CCL22: variants seen among roughly 807,000 people sequenced by gnomAD.
The protein encoded by CCL22 is C-C motif chemokine 22.
A neutral mutation model predicts 7.6 loss-of-function variants in CCL22; 7 were observed. The ratio of observed to expected loss-of-function variants is 0.92; its 90% CI spans 0.52 to 1.72. CCL22 has a LOEUF of 1.72. Ranked by LOEUF, CCL22 falls within the 40% of genes most tolerant of loss-of-function variation. The pLI, the probability that CCL22 is intolerant of heterozygous loss-of-function variation, is 0.00. For missense variants in CCL22, 115 were observed against 124.7 expected (o/e 0.92, Z 0.37); for synonymous variants, 55 against 47.2 (o/e 1.17, Z -0.68).
At chr16:57,358,914 C>T in intron 1 of CCL22, 25 bp downstream of exon 1, 1 of 1,586,766 alleles carries the variant, frequency 6.3e-7, no homozygotes, top group Non-Finnish European at 8.6e-7. Context: ...CAGGAAGACC[C>T]CCTACAGAGG....
At chr16:57,359,557 C>G (rs1902026084) in intron 1 of CCL22, among the ~76,000 whole-genome samples, 1 of 147,308 alleles carries the variant, frequency 6.8e-6, no homozygotes, top group East Asian at 2.0e-4. Flanking sequence ...CTCAGATGAT[C>G]CTCCCACCTC....
intron 1 of CCL22, among the ~76,000 whole-genome samples, chr16:57,360,084 C>T (rs1216815561): frequency 6.6e-6 from 1 of 152,186 alleles, no homozygotes; most frequent in African/African-American, 2.4e-5. Flanking sequence ...AGCTGCTGGG[C>T]TTTCTGAGTG....
chr16:57,363,170 G>A (rs574110513), intron 2 of CCL22, among the ~76,000 whole-genome samples: 10 of 151,982 alleles, frequency 6.6e-5, no homozygotes, highest in South Asian at 2.1e-4. Context: ...TGACTTGTAC[G>A]TTTTTGTAGA....
At chr16:57,359,030 G>C in intron 1 of CCL22, 141 bp downstream of exon 1, 1 of 695,592 alleles carries the variant, frequency 1.4e-6, no homozygotes, top group South Asian at 1.5e-5. Flanking sequence ...GCTAGTTGCA[G>C]TGCTTCTCTG....
intron 1 of CCL22, 47 bp downstream of exon 1, chr16:57,358,936 G>A (rs769436262): frequency 9.2e-6 from 13 of 1,406,256 alleles, no homozygotes; most frequent in Middle Eastern, 2.4e-4. Context: ...CAGGGCAGAC[G>A]GTGGGGTGTC....
intron 1 of CCL22, among the ~76,000 whole-genome samples, chr16:57,359,974 C>G (rs1367571860): frequency 6.6e-6 from 1 of 152,120 alleles, no homozygotes; most frequent in African/African-American, 2.4e-5. Context: ...AGCATGGATT[C>G]CTGACTCCTC....
At chr16:57,360,067 T>C (rs1274401791) in intron 1 of CCL22, among the ~76,000 whole-genome samples, 1 of 152,176 alleles carries the variant, frequency 6.6e-6, no homozygotes, top group Non-Finnish European at 1.5e-5. Context: ...AAACAAGAAT[T>C]GCTCCCAGCT....
In CCL22 at chr16:57,360,537, C is replaced by T. The variant is rs760011103; in HGVS notation, c.174C>T (p.Asp58=). ...RVVKHFYWTS[D]SCPRPGVVLL... is the part of the protein sequence containing the mutation. The stretch of plus-strand genomic sequence containing the variant: ...TGAAACACTTCTACTGGACCTCAGA[C>T]TCCTGCCCGAGGCCTGGCGTGGTGT... The change falls in exon 2 of 3, where the codon GAC becomes GAT. Residue 58 remains aspartate, a synonymous_variant. Transcript: ENST00000219235. The T allele has an allele frequency of 6.2e-7, 1 of 1,614,196 alleles. No homozygotes were observed. Among genetic ancestry groups the T allele is most frequent in the Non-Finnish European group, 8.5e-7 (1 of 1,180,028 alleles).
At chr16:57,359,930 G>A (rs774208415) in intron 1 of CCL22, among the ~76,000 whole-genome samples, 3 of 152,176 alleles carry the variant, frequency 2.0e-5, no homozygotes, top group East Asian at 3.9e-4. Flanking sequence ...ACTGCTCTGG[G>A]CTCACTATCC....
chr16:57,358,762 C>T, upstream of CCL22: 1 of 1,330,922 alleles, frequency 7.5e-7, no homozygotes, highest in Non-Finnish European at 1.1e-6. Flanking sequence ...CCTTAAATAG[C>T]AGGTCTTCCT....
At position 57,358,814 on chromosome 16, in the gene CCL22, A is replaced by G. The variant is rs181471331; in HGVS notation, c.-3A>G. On this transcript the variant is annotated 5_prime_UTR_variant, in exon 1 of 3. Coordinates refer to ENST00000219235, the MANE Select transcript of CCL22 (RefSeq NM_002990.5). ...ACCTGGGCTGAGACATACAGGACAGAGCATGGATCGCCTACAGACTGCACT... is the reference window on the plus strand; with the variant it reads ...ACCTGGGCTGAGACATACAGGACAGGGCATGGATCGCCTACAGACTGCACT... 1.3e-5 allele frequency: 21 copies of G among 1,611,936 alleles called. No homozygotes were observed. In the East Asian group the frequency reaches 4.7e-4, roughly 36 times the overall value.
chr16:57,363,842 A>T lies in CCL22; in HGVS notation c.*254A>T. On this transcript the variant is annotated 3_prime_UTR_variant, in exon 3 of 3. Coordinates refer to ENST00000219235, the MANE Select transcript of CCL22 (RefSeq NM_002990.5). ...TTCCCATCAGCGATTCCCCTGCTTA[A>T]ACCCTTCCATGACTCCCCACTGCCC... is the stretch of plus-strand genomic sequence containing the variant. The T allele has an allele frequency of 2.2e-6, 1 of 450,304 alleles. No individual in the cohort carries two copies. The highest frequency in any genetic ancestry group is 4.1e-6 in the Non-Finnish European group (1 of 245,458). 27.9% of individuals were successfully genotyped at this position (450,304 alleles called of 1,614,324 possible).
At chr16:57,358,999 T>C in intron 1 of CCL22, 110 bp downstream of exon 1, 4 of 858,036 alleles carry the variant, frequency 4.7e-6, no homozygotes, top group Admixed American at 1.8e-5. Context: ...CTCAGTCTGC[T>C]GTTGGCTCTT....
At chr16:57,361,582 G>A (rs914000612) in intron 2 of CCL22, among the ~76,000 whole-genome samples, 1 of 152,194 alleles carries the variant, frequency 6.6e-6, no homozygotes, top group Non-Finnish European at 1.5e-5. Context: ...TTTCTCCTGA[G>A]TTTCTTGTTC....
chr16:57,362,217 C>T (rs1478065681), intron 2 of CCL22, among the ~76,000 whole-genome samples: 4 of 152,120 alleles, frequency 2.6e-5, no homozygotes, highest in Non-Finnish European at 4.4e-5. Context: ...AATTGCTGGG[C>T]ATGTAGTGCT....
intron 2 of CCL22, among the ~76,000 whole-genome samples, chr16:57,360,950 C>T (rs223819): frequency 0.77 from 116,892 of 151,874 alleles, 48,354 homozygotes; most frequent in Non-Finnish European, 0.93. Flanking sequence ...CAAAGATGCT[C>T]CCAGGTTCTG....
At chr16:57,361,244 GGGAGA>G (rs1165760612) in intron 2 of CCL22, among the ~76,000 whole-genome samples, 3 of 125,190 alleles carry the variant, frequency 2.4e-5, no homozygotes, top group Non-Finnish European at 3.4e-5. Flanking sequence ...GGGCAACAGA[GGGAGA>G]CTCTGTCTCA....
At chr16:57,362,551 G>A (rs1457643705) in intron 2 of CCL22, among the ~76,000 whole-genome samples, 2 of 152,050 alleles carry the variant, frequency 1.3e-5, no homozygotes, top group Admixed American at 1.3e-4. Context: ...GAGTAGTTAA[G>A]TGATATTATA....
chr16:57,364,281 A>C lies in CCL22; in HGVS notation c.*693A>C, dbSNP rs1476549478. On this transcript the variant is annotated 3_prime_UTR_variant, in exon 3 of 3. Coordinates refer to ENST00000219235, the MANE Select transcript of CCL22 (RefSeq NM_002990.5). ...AGTCTCCAAGCCTCTAGCATAGAGC[A>C]CTGCAGACAGGCCCTGGCTCAGAAT... 6.6e-6 allele frequency: 1 copy of C among 152,342 alleles called. No homozygotes were observed. The highest frequency in any genetic ancestry group is 1.5e-5 in the Non-Finnish European group (1 of 68,142). The allele number at this position is 152,342 out of a possible 1,614,324, so 9.4% of individuals were successfully genotyped here. A position where few individuals can be genotyped will look rare whatever the true frequency, so the allele number is the denominator to read the frequency against.
Sources: gnomAD v4.1 joint callset for allele counts (sites outside exome capture counted in the v4.1 genomes callset) on GRCh38, gnomAD v4.1.1 for gene constraint, MANE v1.5 for transcripts, NCBI Gene and HGNC (gene_info 2026-07-23, HGNC 2026-07-21) for gene names.